The following ADGRB3 variants were observed in gnomAD, a reference collection of about 807,000 sequenced individuals.
ADGRB3 encodes adhesion G protein-coupled receptor B3.
A neutral mutation model predicts 193.4 loss-of-function variants in ADGRB3; 37 were observed. The ratio of observed to expected loss-of-function variants is 0.19; its 90% CI spans 0.15 to 0.25. ADGRB3 has a LOEUF of 0.25. ADGRB3 is among the 10% of genes least tolerant of loss of function. ADGRB3 has a pLI of 1.00. For missense variants in ADGRB3, 1,637 were observed against 1,852.9 expected (o/e 0.88, Z 2.14); for synonymous variants, 690 against 644.2 (o/e 1.07, Z -1.08).
At chr6:69,193,473 C>T (rs1765236512) in intron 17 of ADGRB3, among the ~76,000 whole-genome samples, 2 of 152,088 alleles carry the variant, frequency 1.3e-5, no homozygotes, top group Non-Finnish European at 1.5e-5. Flanking sequence ...TCAGGCCTTT[C>T]TTGTTACCTC....
chr6:68,994,212 G>A (rs1356582117), intron 11 of ADGRB3, among the ~76,000 whole-genome samples: 2 of 152,050 alleles, frequency 1.3e-5, no homozygotes, highest in Non-Finnish European at 2.9e-5. Flanking sequence ...AGTGCTTTGA[G>A]CCCCCAGATA....
intron 3 of ADGRB3, among the ~76,000 whole-genome samples, chr6:68,789,564 C>G (rs1767056493): frequency 6.6e-6 from 1 of 152,156 alleles, no homozygotes; most frequent in African/African-American, 2.4e-5. Context: ...GTAATCCGAC[C>G]TTTCTCTCTG....
intron 3 of ADGRB3, among the ~76,000 whole-genome samples, chr6:68,829,214 C>T (rs1227459499): frequency 6.6e-6 from 1 of 151,514 alleles, no homozygotes; most frequent in Non-Finnish European, 1.5e-5. Context: ...ATTCTCCTGC[C>T]TCAGCCTCCC....
At chr6:69,075,476 T>C (rs1334481572) in intron 16 of ADGRB3, among the ~76,000 whole-genome samples, 1 of 152,166 alleles carries the variant, frequency 6.6e-6, no homozygotes, top group Admixed American at 6.5e-5. Flanking sequence ...TATACAACCA[T>C]GATATGCTAA....
intron 17 of ADGRB3, among the ~76,000 whole-genome samples, chr6:69,170,740 T>C (rs1169507541): frequency 6.6e-6 from 1 of 152,198 alleles, no homozygotes; most frequent in East Asian, 1.9e-4. Context: ...AAAGGAATCA[T>C]AGTAAGTCTT....
intron 17 of ADGRB3, among the ~76,000 whole-genome samples, chr6:69,123,354 A>G (rs1264688049): frequency 3.3e-5 from 5 of 152,206 alleles, no homozygotes; most frequent in Non-Finnish European, 7.3e-5. Context: ...TTCAAGGGCA[A>G]GAACTTTTAC....
chr6:68,980,641 T>G (rs1168145037), intron 10 of ADGRB3, among the ~76,000 whole-genome samples: 2 of 151,548 alleles, frequency 1.3e-5, no homozygotes, highest in Non-Finnish European at 3.0e-5. Flanking sequence ...AGTATGCCTG[T>G]CTTATTGTTT....
intron 17 of ADGRB3, among the ~76,000 whole-genome samples, chr6:69,103,099 T>A (rs1374119437): frequency 6.6e-6 from 1 of 152,172 alleles, no homozygotes; most frequent in Non-Finnish European, 1.5e-5. Context: ...GTTCAAATGT[T>A]GCCCTCAAAA....
intron 26 of ADGRB3, among the ~76,000 whole-genome samples, chr6:69,352,686 G>A (rs1769251995): frequency 6.6e-6 from 1 of 152,168 alleles, no homozygotes; most frequent in African/African-American, 2.4e-5. Flanking sequence ...CCTGCAATGT[G>A]GCAATTTAGG....
At chr6:69,238,740 A>T (rs1444529870) in intron 19 of ADGRB3, among the ~76,000 whole-genome samples, 1 of 151,966 alleles carries the variant, frequency 6.6e-6, no homozygotes, top group Admixed American at 6.6e-5. Flanking sequence ...AATGCTAAAC[A>T]TACATACACA....
chr6:69,060,069 G>A (rs867661643), intron 15 of ADGRB3, among the ~76,000 whole-genome samples: 2 of 152,074 alleles, frequency 1.3e-5, no homozygotes, highest in South Asian at 2.1e-4. Context: ...CTGTATTGGG[G>A]CACAAGGTGT....
chr6:69,364,987 G>T (rs1387457595), intron 29 of ADGRB3, among the ~76,000 whole-genome samples: 1 of 152,034 alleles, frequency 6.6e-6, no homozygotes, highest in African/African-American at 2.4e-5. Context: ...AATTATAGTT[G>T]TAACATTGTA....
At chr6:68,786,640 CT>C (rs1406674546) in intron 3 of ADGRB3, among the ~76,000 whole-genome samples, 2 of 152,012 alleles carry the variant, frequency 1.3e-5, no homozygotes, top group Non-Finnish European at 2.9e-5. Flanking sequence ...GATGCAGGCT[CT>C]TTTTTGGTTC....
In ADGRB3 at chr6:69,148,993, T is replaced by C. The variant is rs1270207893; in HGVS notation, c.2480+72955T>C. Among the ~76,000 whole-genome samples the C allele has an allele frequency of 2.0e-5, 3 of 152,182 alleles. No individual in the cohort carries two copies. The South Asian group carries it at 6.2e-4, about 32-fold the overall frequency. ...TCCTTGACTTTTGGGAGTTTGATTA[T>C]GGTCTCAAGATTGCCTAGGTATCTT... is the stretch of plus-strand genomic sequence containing the variant. On this transcript the variant is annotated intron_variant, in intron 17 of 31. Coordinates refer to ENST00000370598, the MANE Select transcript of ADGRB3 (RefSeq NM_001704.3).
intron 17 of ADGRB3, among the ~76,000 whole-genome samples, chr6:69,134,260 C>T (rs1774091579): frequency 6.6e-6 from 1 of 152,062 alleles, no homozygotes; most frequent in Non-Finnish European, 1.5e-5. Context: ...CCTCTACCCT[C>T]GTCCACCAAT....
chr6:68,761,077 C>A (rs991196999), intron 3 of ADGRB3, among the ~76,000 whole-genome samples: 2 of 152,114 alleles, frequency 1.3e-5, no homozygotes, highest in Admixed American at 6.6e-5. Flanking sequence ...CCTCCTCCAG[C>A]GGATGTTCTC....
intron 20 of ADGRB3, among the ~76,000 whole-genome samples, chr6:69,323,540 C>T (rs1023164709): frequency 3.9e-5 from 6 of 151,944 alleles, no homozygotes; most frequent in African/African-American, 1.4e-4. Context: ...GAAACAAGTA[C>T]TAAATAGGTT....
intron 17 of ADGRB3, among the ~76,000 whole-genome samples, chr6:69,090,219 A>G (rs769151405): frequency 6.6e-6 from 1 of 152,198 alleles, no homozygotes; most frequent in Non-Finnish European, 1.5e-5. Flanking sequence ...GGGTTATTCA[A>G]TACCTCATCT....
chr6:69,303,618 A>C (rs1767997695), intron 20 of ADGRB3, among the ~76,000 whole-genome samples: 1 of 151,848 alleles, frequency 6.6e-6, no homozygotes, highest in South Asian at 2.1e-4. Context: ...GCATCTATTA[A>C]GTTCTTTGCA....
Sources: gnomAD v4.1 joint callset for allele counts (sites outside exome capture counted in the v4.1 genomes callset) on GRCh38, gnomAD v4.1.1 for gene constraint, MANE v1.5 for transcripts, NCBI Gene and HGNC (gene_info 2026-07-23, HGNC 2026-07-21) for gene names.